The following LRRC37A2 variants were observed in gnomAD, a reference collection of about 807,000 sequenced individuals.
LRRC37A2 encodes the protein leucine-rich repeat-containing protein 37A2.
Under a neutral mutation model 68.8 loss-of-function variants are expected in LRRC37A2, and 9 were observed. That is an observed-to-expected ratio of 0.13 (90% CI 0.08 to 0.23). The LOEUF is 0.23. Among genes scored for constraint, LRRC37A2 ranks in the 10% least tolerant of loss-of-function variants. The pLI, the probability that LRRC37A2 is intolerant of heterozygous loss-of-function variation, is 1.00. For missense variants in LRRC37A2, 168 were observed against 950.4 expected (o/e 0.18, Z 10.82); for synonymous variants, 63 against 367.6 (o/e 0.17, Z 9.48).
chr17:46,798,657 T>A, the LRRC37A2 span, among the ~76,000 whole-genome samples: 7 of 152,228 alleles, frequency 4.6e-5, no homozygotes, highest in Admixed American at 6.5e-5. Flanking sequence ...CCAGCCACAC[T>A]CACTCACTGT....
the LRRC37A2 span, among the ~76,000 whole-genome samples, chr17:46,967,276 A>T: frequency 6.6e-6 from 1 of 152,224 alleles, no homozygotes; most frequent in African/African-American, 2.4e-5. Context: ...TGGCTGCACA[A>T]CCTCAAACAA....
the LRRC37A2 span, among the ~76,000 whole-genome samples, chr17:46,753,619 A>G: frequency 2.0e-5 from 3 of 152,018 alleles, no homozygotes; most frequent in East Asian, 1.9e-4. Flanking sequence ...TTTTTTTTCA[A>G]TAATTGCATA....
the LRRC37A2 span, among the ~76,000 whole-genome samples, chr17:46,718,319 G>T: frequency 6.6e-6 from 1 of 151,906 alleles, no homozygotes; most frequent in Non-Finnish European, 1.5e-5. Flanking sequence ...CCCACCTGAA[G>T]CTCAGTGAAA....
chr17:46,714,748 A>AT, the LRRC37A2 span, among the ~76,000 whole-genome samples: 1 of 152,170 alleles, frequency 6.6e-6, no homozygotes, highest in African/African-American at 2.4e-5. Context: ...TCAAGAAATT[A>AT]TTTTTTGTAT....
chr17:46,992,268 C>T, the LRRC37A2 span, among the ~76,000 whole-genome samples: 4 of 144,722 alleles, frequency 2.8e-5, no homozygotes, highest in African/African-American at 7.5e-5. Context: ...TGTGGGAAGC[C>T]GAGGCAGGAG....
At chr17:46,904,578 T>G in the LRRC37A2 span, among the ~76,000 whole-genome samples, 1 of 151,494 alleles carries the variant, frequency 6.6e-6, no homozygotes, top group Non-Finnish European at 1.5e-5. Context: ...GTTGGATGGA[T>G]AGGTGATGGG....
At chr17:46,940,925 A>AGTGTGACTGGTC in the LRRC37A2 span, 1 of 1,311,642 alleles carries the variant, frequency 7.6e-7, no homozygotes, top group South Asian at 1.5e-5. Context: ...CTGGTGAAAA[A>AGTGTGACTGGTC]TAGACCTTGG....
chr17:46,819,328 C>G, the LRRC37A2 span, among the ~76,000 whole-genome samples: 8 of 152,128 alleles, frequency 5.3e-5, no homozygotes, highest in Admixed American at 3.9e-4. The surrounding 1 kb of genome is among the most constrained non-coding windows in gnomAD (Gnocchi z 5.3). Context: ...CGGGCGGCGC[C>G]GGGGGACGGA....
the LRRC37A2 span, among the ~76,000 whole-genome samples, chr17:46,872,975 G>A: frequency 1.3e-5 from 2 of 152,094 alleles, no homozygotes; most frequent in Non-Finnish European, 2.9e-5. Flanking sequence ...CCAGCCTCAG[G>A]TTTGGGGGAG....
chr17:46,851,553 G>A, the LRRC37A2 span: 4 of 740,496 alleles, frequency 5.4e-6, no homozygotes, highest in African/African-American at 5.6e-5. This position sits in a 1 kb window ranked among gnomAD's most constrained non-coding sequence, Gnocchi z 4.3. Context: ...CCCCACCCGG[G>A]TTTAAAGTCC....
chr17:46,764,654 A>G, the LRRC37A2 span: 1 of 152,294 alleles, frequency 6.6e-6, no homozygotes. Context: ...AATTAGAAAC[A>G]TAATTCCATT....
At chr17:46,911,193 G>T in the LRRC37A2 span, among the ~76,000 whole-genome samples, 3 of 152,320 alleles carry the variant, frequency 2.0e-5, no homozygotes, top group African/African-American at 7.2e-5. Flanking sequence ...TAAAGATAAA[G>T]AAAATGAGTT....
chr17:46,826,025 A>C, the LRRC37A2 span, among the ~76,000 whole-genome samples: 1 of 152,270 alleles, frequency 6.6e-6, no homozygotes, highest in Non-Finnish European at 1.5e-5. Flanking sequence ...CTGTCTCAAG[A>C]AAACAAAACA....
chr17:47,040,165 A>G, the LRRC37A2 span, among the ~76,000 whole-genome samples: 1 of 150,988 alleles, frequency 6.6e-6, no homozygotes. Context: ...TCTCTAGGCC[A>G]GGCATGGTGG....
At chr17:46,947,303 G>C in the LRRC37A2 span, among the ~76,000 whole-genome samples, 1 of 152,202 alleles carries the variant, frequency 6.6e-6, no homozygotes, top group African/African-American at 2.4e-5. Context: ...GTGGGCTGTG[G>C]GTTGTTAGTC....
At chr17:46,943,389 C>T in the LRRC37A2 span, among the ~76,000 whole-genome samples, 1 of 152,210 alleles carries the variant, frequency 6.6e-6, no homozygotes, top group Non-Finnish European at 1.5e-5. Context: ...GCCTGGTGTT[C>T]CGTCCTCCCT....
chr17:46,943,906 G>A, the LRRC37A2 span, among the ~76,000 whole-genome samples: 2 of 152,258 alleles, frequency 1.3e-5, no homozygotes, highest in East Asian at 1.9e-4. Context: ...GCGATCCCTC[G>A]GTCTGATGGT....
At chr17:46,532,038 G>A (rs908858248) in intron 6 of LRRC37A2, among the ~76,000 whole-genome samples, 1 of 150,026 alleles carries the variant, frequency 6.7e-6, no homozygotes, top group African/African-American at 2.5e-5. Flanking sequence ...ATGTTCAGGT[G>A]ACGCCATTAC....
the LRRC37A2 span, among the ~76,000 whole-genome samples, chr17:46,870,243 C>T: frequency 6.6e-6 from 1 of 152,132 alleles, no homozygotes; most frequent in East Asian, 1.9e-4. Flanking sequence ...CACACCAGCC[C>T]TCGGTGTGAG....
Sources: gnomAD v4.1 joint callset for allele counts (sites outside exome capture counted in the v4.1 genomes callset) on GRCh38, gnomAD v4.1.1 for gene constraint, Gnocchi (gnomAD v3.1) non-coding constraint, MANE v1.5 for transcripts, NCBI Gene and HGNC (gene_info 2026-07-23, HGNC 2026-07-21) for gene names.